EFNA5: variants seen among roughly 807,000 people sequenced by gnomAD.
EFNA5 encodes ephrin A5, also known as ephrin-A5.
Under a neutral mutation model 22.9 loss-of-function variants are expected in EFNA5, and 5 were observed. That is an observed-to-expected ratio of 0.22 (90% CI 0.11 to 0.46). The LOEUF (loss-of-function observed/expected upper bound fraction) is 0.46. EFNA5 is among the 20% of genes least tolerant of loss of function. The probability of loss-of-function intolerance (pLI) is 0.99; values close to 1 mark genes in which losing one functional copy is unlikely to be tolerated. For missense variants in EFNA5, 237 were observed against 293.3 expected, an observed-to-expected ratio of 0.81 and a Z score of 1.40; for synonymous variants, 113 against 112.2, an observed-to-expected ratio of 1.01 and a Z score of -0.04.
At chr5:107,523,299 T>C (rs554482503) in intron 1 of EFNA5, among the ~76,000 whole-genome samples, 2 of 152,248 alleles carry the variant, frequency 1.3e-5, no homozygotes, top group African/African-American at 2.4e-5. Context: ...GTGCTTCCTT[T>C]TTTTTTTTAA....
intron 1 of EFNA5, among the ~76,000 whole-genome samples, chr5:107,571,214 C>T (rs1275904782): frequency 1.3e-5 from 2 of 152,160 alleles, no homozygotes; most frequent in Non-Finnish European, 2.9e-5. Context: ...TTTCTGCTCC[C>T]GTGTCCGCCC....
chr5:107,496,485 A>T (rs1746989752), intron 1 of EFNA5, among the ~76,000 whole-genome samples: 1 of 152,104 alleles, frequency 6.6e-6, no homozygotes, highest in Non-Finnish European at 1.5e-5. Flanking sequence ...TCCATAGAGG[A>T]TGAGCATTTG....
intron 1 of EFNA5, among the ~76,000 whole-genome samples, chr5:107,660,269 T>TATATA (rs1326733997): frequency 4.0e-5 from 1 of 24,980 alleles, no homozygotes; most frequent in Non-Finnish European, 6.8e-5. Context: ...AACATATATA[T>TATATA]ATATATATAT....
At chr5:107,537,226 G>C (rs1747948127) in intron 1 of EFNA5, among the ~76,000 whole-genome samples, 1 of 152,120 alleles carries the variant, frequency 6.6e-6, no homozygotes, top group African/African-American at 2.4e-5. Flanking sequence ...GGGTGTGGTG[G>C]CTCATACCTG....
At chr5:107,616,784 T>C (rs947353588) in intron 1 of EFNA5, among the ~76,000 whole-genome samples, 1 of 152,218 alleles carries the variant, frequency 6.6e-6, no homozygotes, top group Non-Finnish European at 1.5e-5. Context: ...AAAATCACAC[T>C]GTGAGAACTT....
chr5:107,428,646 C>T (rs1034576426), intron 1 of EFNA5, among the ~76,000 whole-genome samples: 2 of 152,166 alleles, frequency 1.3e-5, no homozygotes, highest in Middle Eastern at 3.2e-3. Context: ...CTTCTCTGAG[C>T]CCTCAGAAAT....
At chr5:107,593,191 T>C (rs772296224) in intron 1 of EFNA5, among the ~76,000 whole-genome samples, 9 of 152,262 alleles carry the variant, frequency 5.9e-5, no homozygotes, top group East Asian at 1.9e-4. Flanking sequence ...AAGATACTAA[T>C]CAGATACAGA....
intron 2 of EFNA5, among the ~76,000 whole-genome samples, chr5:107,416,758 C>CT (rs1053807392): frequency 1.1e-4 from 16 of 152,138 alleles, no homozygotes; most frequent in South Asian, 4.1e-4. Context: ...AGTAAGACCT[C>CT]TAAGCAATAT....
At chr5:107,584,865 T>G (rs956456006) in intron 1 of EFNA5, among the ~76,000 whole-genome samples, 1 of 152,200 alleles carries the variant, frequency 6.6e-6, no homozygotes, top group African/African-American at 2.4e-5. Flanking sequence ...TTTGACCCAT[T>G]GCAGGCACTC....
chr5:107,418,398 A>G (rs181431040), intron 2 of EFNA5, among the ~76,000 whole-genome samples: 1 of 152,248 alleles, frequency 6.6e-6, no homozygotes, highest in South Asian at 2.1e-4. Flanking sequence ...CTGTGAAATT[A>G]CACAATTAAT....
rs141488343 is a variant in EFNA5, at chr5:107,568,146, C to T, written c.125+102343G>A. ...TCCTAGGCTCAAGTGATCCTCCCACCTCAGCCTCCAAAAGTGCTGAGATTA... is the reference window on the plus strand; with the variant it reads ...TCCTAGGCTCAAGTGATCCTCCCACTTCAGCCTCCAAAAGTGCTGAGATTA... On this transcript the variant is annotated intron_variant, in intron 1 of 4. Transcript: ENST00000333274. Among the ~76,000 whole-genome samples, 118 of 152,278 alleles carry T rather than the reference C, an allele frequency of 7.7e-4. 2 individuals carry two copies. The East Asian group carries it at 0.018, about 23-fold the overall frequency.
chr5:107,472,142 A>C (rs1750157402), intron 1 of EFNA5, among the ~76,000 whole-genome samples: 1 of 152,186 alleles, frequency 6.6e-6, no homozygotes, highest in Admixed American at 6.5e-5. Flanking sequence ...GTAAATGTGG[A>C]TATTAAAGGA....
intron 1 of EFNA5, among the ~76,000 whole-genome samples, chr5:107,547,231 C>T (rs372575148): frequency 1.3e-5 from 2 of 152,164 alleles, no homozygotes; most frequent in Admixed American, 6.5e-5. Flanking sequence ...GATACAACTT[C>T]CTTCGGGCCC....
At chr5:107,446,472 G>A (rs1463172076) in intron 1 of EFNA5, among the ~76,000 whole-genome samples, 1 of 152,102 alleles carries the variant, frequency 6.6e-6, no homozygotes, top group Non-Finnish European at 1.5e-5. Context: ...TAGAAAGGCA[G>A]GACCTGGTGG....
intron 1 of EFNA5, among the ~76,000 whole-genome samples, chr5:107,532,101 G>A (rs1747821888): frequency 6.6e-6 from 1 of 152,196 alleles, no homozygotes; most frequent in South Asian, 2.1e-4. Flanking sequence ...GAGGTTAATG[G>A]AAAATGGGAA....
At chr5:107,393,682 C>T (rs1663609135) in intron 2 of EFNA5, among the ~76,000 whole-genome samples, 1 of 152,204 alleles carries the variant, frequency 6.6e-6, no homozygotes, top group Non-Finnish European at 1.5e-5. Context: ...TAGCTGTTAG[C>T]ACGGCCCAGT....
At chr5:107,606,291 C>T (rs1252391882) in intron 1 of EFNA5, among the ~76,000 whole-genome samples, 3 of 151,916 alleles carry the variant, frequency 2.0e-5, no homozygotes, top group South Asian at 2.1e-4. Flanking sequence ...ATATGATTTG[C>T]CTACACATAA....
At chr5:107,431,586 G>A (rs1192086367) in intron 1 of EFNA5, among the ~76,000 whole-genome samples, 2 of 152,262 alleles carry the variant, frequency 1.3e-5, no homozygotes, top group Admixed American at 1.3e-4. Context: ...TACACAACTA[G>A]TAAAGAAAAG....
chr5:107,491,804 T>C (rs1309811668), intron 1 of EFNA5, among the ~76,000 whole-genome samples: 1 of 152,184 alleles, frequency 6.6e-6, no homozygotes, highest in Non-Finnish European at 1.5e-5. Context: ...GTATCAGGTA[T>C]ATGTATTATA....
Sources: allele counts gnomAD v4.1 joint callset (sites outside exome capture counted in the v4.1 genomes callset), GRCh38; gene constraint gnomAD v4.1.1; transcripts MANE v1.5; gene names NCBI Gene and HGNC (gene_info 2026-07-23, HGNC 2026-07-21).